IL27RA: variants seen among roughly 807,000 people sequenced by gnomAD.
IL27RA encodes interleukin 27 receptor subunit alpha.
Under a neutral mutation model 80.8 loss-of-function variants are expected in IL27RA, and 61 were observed. That is an observed-to-expected ratio of 0.76 (90% CI 0.61 to 0.93). The LOEUF is 0.93. IL27RA is among the 40% of genes least tolerant of loss of function. The pLI, the probability that IL27RA is intolerant of heterozygous loss-of-function variation, is 0.00. For synonymous variants in IL27RA, 316 were observed against 332.5 expected (o/e 0.95, Z 0.54); for missense variants, 735 against 808.1 (o/e 0.91, Z 1.10).
chr19:14,046,335 T>G lies in IL27RA; in HGVS notation c.950T>G (p.Leu317Trp). Residue 317 changes from leucine to tryptophan, a missense_variant and splice_region_variant, in exon 7 of 14, where the codon TTG becomes TGG. Physicochemically the swap from Leu to Trp is moderately conservative, Grantham distance 61. Transcript: ENST00000263379. Reference sequence around the variant, plus strand: ...CTCACCAACCTCTCTTTGGTCTGCTTGGGTAAGAGACTGTGACCTTCCTCA... The same window carrying G: ...CTCACCAACCTCTCTTTGGTCTGCTGGGGTAAGAGACTGTGACCTTCCTCA... ...EPLTNLSLVC[L>W]DSASAPRSVA... 1 of 1,613,594 alleles carries G rather than the reference T, an allele frequency of 6.2e-7. No homozygotes were observed. Among genetic ancestry groups the G allele is most frequent in the Non-Finnish European group, 8.5e-7 (1 of 1,179,700 alleles).
chr19:14,039,559 G>A lies in IL27RA; in HGVS notation c.270G>A (p.Val90=). ...TVAVAAGRSW[V]AIPREQLTMS... ...CAGTGGCAGCCGGACGGAGCTGGGTGGCCATTCCTCGGGAACAGCTCACCA... is the reference window on the plus strand; with the variant it reads ...CAGTGGCAGCCGGACGGAGCTGGGTAGCCATTCCTCGGGAACAGCTCACCA... Residue 90 remains valine, a synonymous_variant, in exon 3 of 14, where the codon GTG becomes GTA. Coordinates refer to ENST00000263379, the MANE Select transcript of IL27RA (RefSeq NM_004843.4). The A allele has an allele frequency of 6.2e-7, 1 of 1,614,178 alleles. No homozygotes were observed. The highest frequency in any genetic ancestry group is 1.3e-5 in the African/African-American group (1 of 75,064).
intron 8 of IL27RA, among the ~76,000 whole-genome samples, chr19:14,048,689 C>A (rs1463787482): frequency 1.3e-5 from 2 of 152,148 alleles, no homozygotes; most frequent in African/African-American, 2.4e-5. Context: ...TGGATAAATA[C>A]CCCAGCTCCG....
At chr19:14,035,366 C>G (rs1007322977) in intron 2 of IL27RA, among the ~76,000 whole-genome samples, 1 of 151,674 alleles carries the variant, frequency 6.6e-6, no homozygotes, top group Admixed American at 6.6e-5. Flanking sequence ...ATGGTGCTAT[C>G]CCGGTTACCA....
At chr19:14,045,120 CAA>C (rs35398034) in intron 6 of IL27RA, among the ~76,000 whole-genome samples, 27 of 94,498 alleles carry the variant, frequency 2.9e-4, no homozygotes, top group Admixed American at 5.5e-4. Flanking sequence ...ACTCTGTCTC[CAA>C]AAAAAAAAAA....
In IL27RA at chr19:14,039,819, C is replaced by G; in HGVS notation, c.443C>G (p.Thr148Ser). ...DFSEDDPLEA[T>S]VHWAPPTWPS... is the part of the protein sequence containing the mutation. ...TCCGAGGATGACCCCCTGGAGGCCA[C>G]TGTCCATTGGGCCCCACCTACATGG... is the stretch of plus-strand genomic sequence containing the variant. Residue 148 changes from threonine (T) to serine (S), a missense_variant, in exon 4 of 14, where the codon ACT becomes AGT. Coordinates refer to ENST00000263379, the MANE Select transcript of IL27RA (RefSeq NM_004843.4). 6.2e-7 allele frequency: 1 copy of G among 1,614,182 alleles called. No individual in the cohort carries two copies. Among genetic ancestry groups the G allele is most frequent in the Non-Finnish European group, 8.5e-7 (1 of 1,180,010 alleles).
In IL27RA at chr19:14,034,676, G is replaced by A. The variant is rs534785795; in HGVS notation, c.218+2173G>A. On this transcript the variant is annotated intron_variant, in intron 2 of 13. Coordinates refer to ENST00000263379, the MANE Select transcript of IL27RA (RefSeq NM_004843.4). Reference sequence around the variant, plus strand: ...CTCTGTCTAAAAAAAAAAAAAGGCCGGGCGCGGTGGCTCAAGCCTGTAATC... The same window carrying A: ...CTCTGTCTAAAAAAAAAAAAAGGCCAGGCGCGGTGGCTCAAGCCTGTAATC... Among the ~76,000 whole-genome samples, 8 of 138,280 alleles carry A rather than the reference G, an allele frequency of 5.8e-5. No homozygotes were observed. The South Asian group carries it at 1.6e-3, about 28-fold the overall frequency. The allele number at this position is 138,280 out of a possible 152,430, so 90.7% of individuals were successfully genotyped here.
chr19:14,046,478 G>C lies in IL27RA; in HGVS notation c.1001G>C (p.Ser334Thr), dbSNP rs760050077. 7 of 1,614,056 alleles carry C rather than the reference G, an allele frequency of 4.3e-6. No homozygotes were observed. The Admixed American group carries it at 8.3e-5, about 19-fold the overall frequency. ...RSVAVSSIAG[S>T]TELLVTWQPG... ...GTGGCAGTCAGCAGCATCGCTGGGA[G>C]CACGGAGCTACTGGTGACCTGGCAA... Residue 334 changes from serine to threonine, a missense_variant, in exon 8 of 14, where the codon AGC (serine) becomes ACC (threonine). Coordinates refer to ENST00000263379, the MANE Select transcript of IL27RA (RefSeq NM_004843.4).
chr19:14,043,686 A>G (rs1054243456), intron 6 of IL27RA, among the ~76,000 whole-genome samples: 2 of 151,598 alleles, frequency 1.3e-5, no homozygotes, highest in African/African-American at 4.9e-5. Context: ...GGCCTCCCAA[A>G]GTGCTGGAAT....
At chr19:14,038,788 G>A (rs1021328842) in intron 2 of IL27RA, among the ~76,000 whole-genome samples, 13 of 151,928 alleles carry the variant, frequency 8.6e-5, no homozygotes, top group Non-Finnish European at 1.9e-4. Flanking sequence ...GGAGGCTGAG[G>A]CAGGAGAATC....
At chr19:14,044,454 G>A (rs1049754034) in intron 6 of IL27RA, among the ~76,000 whole-genome samples, 4 of 151,926 alleles carry the variant, frequency 2.6e-5, no homozygotes, top group Non-Finnish European at 5.9e-5. Flanking sequence ...TGGCCAGGCT[G>A]GTCTCGAACT....
intron 3 of IL27RA, 43 bp downstream of exon 3, chr19:14,039,708 T>A (rs754630325): frequency 2.5e-6 from 4 of 1,609,918 alleles, no homozygotes; most frequent in Admixed American, 1.7e-5. Flanking sequence ...GGGTGGGTGC[T>A]CTTGGAGGGC....
intron 10 of IL27RA, 125 bp from the exon 11 acceptor site, chr19:14,050,633 A>AAAGAGATG: frequency 9.8e-7 from 1 of 1,021,990 alleles, no homozygotes; most frequent in East Asian, 2.7e-5. Context: ...CAAAGACCTA[A>AAAGAGATG]AAGAGATGAG....
At chr19:14,032,634 CAAA>C (rs766574764) in intron 2 of IL27RA, 131 bp downstream of exon 2, 535 of 93,390 alleles carry the variant, frequency 5.7e-3, no homozygotes, top group East Asian at 9.4e-3. Context: ...ACTAAAAATA[CAAA>C]AAAAAAAAAA....
intron 2 of IL27RA, among the ~76,000 whole-genome samples, chr19:14,034,080 G>A (rs1975861574): frequency 6.6e-6 from 1 of 152,206 alleles, no homozygotes; most frequent in African/African-American, 2.4e-5. Flanking sequence ...GCTTCATAAT[G>A]TGAACCTGGT....
chr19:14,049,184 ACTCCAAGATGCCC>A lies in IL27RA; in HGVS notation c.1278_1290del (p.Asp427GlyfsTer5). On this transcript the variant is annotated frameshift_variant, in exon 10 of 14. Transcript: ENST00000263379. LOFTEE classifies it high-confidence loss of function. Reference sequence around the variant, plus strand: ...CCCTAGTGGGGCCAACGCTTTGGCGACTCCAAGATGCCCCTCCAGGGACCCCCGCCATAGCGTG... The same window carrying A: ...CCCTAGTGGGGCCAACGCTTTGGCGACTCCAGGGACCCCCGCCATAGCGTG... The A allele has an allele frequency of 6.2e-7, 1 of 1,613,770 alleles. No homozygotes were observed. Among genetic ancestry groups the A allele is most frequent in the Non-Finnish European group, 8.5e-7 (1 of 1,179,872 alleles).
In IL27RA at chr19:14,053,119, A is replaced by C. The variant is rs1976210672; in HGVS notation, c.*829A>C. ...CTATGATCCAGCTTTGGTCATACCCAAGGGGAAGGTGGAGCAAGAAATGAA... is the reference window on the plus strand; with the variant it reads ...CTATGATCCAGCTTTGGTCATACCCCAGGGGAAGGTGGAGCAAGAAATGAA... On this transcript the variant is annotated 3_prime_UTR_variant, in exon 14 of 14. Transcript: ENST00000263379. The C allele has an allele frequency of 6.5e-6, 1 of 152,796 alleles. No individual in the cohort carries two copies. Among genetic ancestry groups the C allele is most frequent in the Non-Finnish European group, 1.5e-5 (1 of 68,536 alleles). The allele number at this position is 152,796 out of a possible 1,614,324, so 9.5% of individuals were successfully genotyped here.
At position 14,042,728 on chromosome 19, in the gene IL27RA, T is replaced by G; in HGVS notation, c.707T>G (p.Val236Gly). The G allele has an allele frequency of 6.2e-7, 1 of 1,614,116 alleles. No homozygotes were observed. Among genetic ancestry groups the G allele is most frequent in the Non-Finnish European group, 8.5e-7 (1 of 1,180,020 alleles). ...TCATCCTTGCCAGCTCCAAAAGATG[T>G]GTGGGTATCAGGGAACCTCTGTGGG... ...FQTPPSAPKD[V>G]WVSGNLCGTP... Residue 236 changes from valine to glycine, a missense_variant, in exon 6 of 14, where the codon GTG (valine) becomes GGG (glycine). By Grantham distance (109) the Val-to-Gly change is moderately radical. Transcript: ENST00000263379.
Position 14,047,594 on chromosome 19 carries a change from A to T in IL27RA, c.1141+976A>T, listed in dbSNP as rs1273348935. On this transcript the variant is annotated intron_variant, in intron 8 of 13. Transcript: ENST00000263379. ...CTGGTGTCAAACTCCTGACCTCAAG[A>T]GATCCACCCGCATTGGCCTCCCAAA... Among the ~76,000 whole-genome samples the T allele has an allele frequency of 2.0e-5, 3 of 149,678 alleles. No individual in the cohort carries two copies. The East Asian group carries it at 6.0e-4, about 30-fold the overall frequency.
At chr19:14,051,728 A>G in intron 12 of IL27RA, 28 bp downstream of exon 12, 1 of 1,542,138 alleles carries the variant, frequency 6.5e-7, no homozygotes, top group Non-Finnish European at 8.9e-7. Context: ...ATGCATCTCT[A>G]CCCACGTGGG....
Sources: allele counts gnomAD v4.1 joint callset (sites outside exome capture counted in the v4.1 genomes callset), GRCh38; gene constraint gnomAD v4.1.1; transcripts MANE v1.5; gene names NCBI Gene and HGNC (gene_info 2026-07-23, HGNC 2026-07-21).